Variants in EHBP1L1 observed in about 807,000 individuals in gnomAD.
EHBP1L1 encodes the protein EH domain binding protein 1 like 1.
Under a neutral mutation model 151.1 loss-of-function variants are expected in EHBP1L1, and 122 were observed. That is an observed-to-expected ratio of 0.81 (90% CI 0.70 to 0.94). EHBP1L1 has a LOEUF of 0.94. Among genes scored for constraint, EHBP1L1 ranks in the 40% least tolerant of loss-of-function variants. EHBP1L1 has a pLI of 0.00. For missense variants in EHBP1L1, 1,941 were observed against 1,959.8 expected, an observed-to-expected ratio of 0.99 and a Z score of 0.18; for synonymous variants, 878 against 810.1, an observed-to-expected ratio of 1.08 and a Z score of -1.42.
chr11:65,591,774 G>GC, intron 16 of EHBP1L1, 26 bp from the exon 17 acceptor site: 5 of 373,938 alleles, frequency 1.3e-5, no homozygotes, highest in Admixed American at 5.9e-5. Context: ...CCACCCCCCC[G>GC]CCACCCACCC....
chr11:65,590,318 T>C, intron 15 of EHBP1L1, 108 bp downstream of exon 15: 1 of 1,538,988 alleles, frequency 6.5e-7, no homozygotes, highest in Non-Finnish European at 8.8e-7. Context: ...ACGGCTGGCA[T>C]CAGCGTTCCC....
chr11:65,586,407 C>T (rs902778964), intron 12 of EHBP1L1, among the ~76,000 whole-genome samples: 1 of 152,238 alleles, frequency 6.6e-6, no homozygotes, highest in Non-Finnish European at 1.5e-5. Context: ...CTGCTGCAAA[C>T]CTTCAGCTGT....
rs1400299938 is a variant in EHBP1L1 at position 65,589,963 on chromosome 11, C to T, written c.4031C>T (p.Pro1344Leu). 6.3e-7 allele frequency: 1 copy of T among 1,583,728 alleles called. No homozygotes were observed. Among genetic ancestry groups the T allele is most frequent in the East Asian group, 2.3e-5 (1 of 44,294 alleles). Residue 1344 changes from proline (P) to leucine (L), a missense_variant, in exon 14 of 19, where the codon CCC becomes CTC. Pro to Leu is a moderately conservative substitution (Grantham distance 98). Coordinates refer to ENST00000309295, the MANE Select transcript of EHBP1L1 (RefSeq NM_001099409.3). ...PGGSSPSEEPPPSPGEEAGLQ... is the reference protein window; with the variant it reads ...PGGSSPSEEPLPSPGEEAGLQ... Reference sequence around the variant, plus strand: ...GGGAGTTCCCCCTCGGAGGAACCACCCCCAAGCCCAGGGGAGGAGGCTGGG... The same window carrying T: ...GGGAGTTCCCCCTCGGAGGAACCACTCCCAAGCCCAGGGGAGGAGGCTGGG...
At chr11:65,591,767 C>CT in intron 16 of EHBP1L1, 33 bp from the exon 17 acceptor site, 1 of 815,850 alleles carries the variant, frequency 1.2e-6, no homozygotes, top group South Asian at 1.4e-5. Flanking sequence ...TGAACTGCCA[C>CT]CCCCCCGCCA....
intron 2 of EHBP1L1, 27 bp from the exon 3 acceptor site, chr11:65,579,314 G>C (rs1167552241): frequency 6.6e-7 from 1 of 1,520,822 alleles, no homozygotes; most frequent in Non-Finnish European, 8.9e-7. Flanking sequence ...GTTAAGATGG[G>C]GGGAGGACTC....
In EHBP1L1 at chr11:65,592,002, C is replaced by T; in HGVS notation, c.4384C>T (p.His1462Tyr). The change falls in exon 18 of 19, where the codon CAC becomes TAC. Residue 1462 changes from histidine (H) to tyrosine (Y), a missense_variant. Coordinates refer to ENST00000309295, the MANE Select transcript of EHBP1L1 (RefSeq NM_001099409.3). Reference protein sequence around the residue: ...EDWQKTSAQQHREQLLLEELV... With the variant: ...EDWQKTSAQQYREQLLLEELV... Reference sequence around the variant, plus strand: ...CTGGCAGAAAACGTCCGCTCAGCAGCACCGAGAGCAGCTCCTACTGGAGGA... The same window carrying T: ...CTGGCAGAAAACGTCCGCTCAGCAGTACCGAGAGCAGCTCCTACTGGAGGA... The T allele has an allele frequency of 6.2e-7, 1 of 1,613,186 alleles. No individual in the cohort carries two copies. The highest frequency in any genetic ancestry group is 8.5e-7 in the Non-Finnish European group (1 of 1,179,536).
chr11:65,581,548 G>A lies in EHBP1L1; in HGVS notation c.876G>A (p.Arg292=). Residue 292 remains arginine (R), a synonymous_variant, in exon 9 of 19, where the codon AGG becomes AGA. Transcript: ENST00000309295. ...PETSPEMRSS[R]QPAQDTAPTP... Reference sequence around the variant, plus strand: ...CCTGCTCTCTTCTCAGGTCTTCAAGGCAGCCAGCCCAGGACACGGCCCCCA... The same window carrying A: ...CCTGCTCTCTTCTCAGGTCTTCAAGACAGCCAGCCCAGGACACGGCCCCCA... 6.7e-7 allele frequency: 1 copy of A among 1,495,506 alleles called. No individual in the cohort carries two copies. The highest frequency in any genetic ancestry group is 1.4e-5 in the African/African-American group (1 of 71,142). The allele number at this position is 1,495,506 out of a possible 1,614,324, so 92.6% of individuals were successfully genotyped here. A position where few individuals can be genotyped will look rare whatever the true frequency, so the allele number is the denominator to read the frequency against.
Position 65,581,591 on chromosome 11 carries a change from C to G in EHBP1L1, c.919C>G (p.Arg307Gly). 6.6e-7 allele frequency: 1 copy of G among 1,519,076 alleles called. No homozygotes were observed. The highest frequency in any genetic ancestry group is 8.8e-7 in the Non-Finnish European group (1 of 1,134,008). The allele number at this position is 1,519,076 out of a possible 1,614,324, so 94.1% of individuals were successfully genotyped here. A position where few individuals can be genotyped will look rare whatever the true frequency, so the allele number is the denominator to read the frequency against. ...DTAPTPAPRLRKGSDALRPPV... is the reference protein window; with the variant it reads ...DTAPTPAPRLGKGSDALRPPV... ...GGCCCCCACCCCAGCCCCTCGGCTCCGGAAAGGCTCTGATGCCCTCCGGCC... is the reference window on the plus strand; with the variant it reads ...GGCCCCCACCCCAGCCCCTCGGCTCGGGAAAGGCTCTGATGCCCTCCGGCC... Residue 307 changes from arginine (R) to glycine (G), a missense_variant, in exon 9 of 19, where the codon CGG becomes GGG. Physicochemically the swap from Arg to Gly is moderately radical, Grantham distance 125. Coordinates refer to ENST00000309295, the MANE Select transcript of EHBP1L1 (RefSeq NM_001099409.3).
chr11:65,582,829 A>C lies in EHBP1L1; in HGVS notation c.2157A>C (p.Thr719=). The change falls in exon 9 of 19, where the codon ACA becomes ACC. Residue 719 remains threonine (T), a synonymous_variant. Transcript: ENST00000309295. ...SRVPESEAEG[T]EAKILGTQEI... ...TACCAGAGTCAGAGGCTGAGGGGACAGAAGCTAAAATATTAGGGACCCAGG... is the reference window on the plus strand; with the variant it reads ...TACCAGAGTCAGAGGCTGAGGGGACCGAAGCTAAAATATTAGGGACCCAGG... The C allele has an allele frequency of 6.2e-7, 1 of 1,613,638 alleles. No individual in the cohort carries two copies.
chr11:65,590,436 G>T (rs1168196679), intron 15 of EHBP1L1, 57 bp from the exon 16 acceptor site: 11 of 1,585,738 alleles, frequency 6.9e-6, no homozygotes, highest in Non-Finnish European at 9.5e-6. Flanking sequence ...ACCCCCAGCT[G>T]CCCTACCCTG....
chr11:65,592,579 C>G lies in EHBP1L1; in HGVS notation c.*277C>G, dbSNP rs2135346738. 1 of 197,750 alleles carries G rather than the reference C, an allele frequency of 5.1e-6. No homozygotes were observed. The highest frequency in any genetic ancestry group is 1.2e-4 in the South Asian group (1 of 8,686). The allele number at this position is 197,750 out of a possible 1,614,324, so 12.2% of individuals were successfully genotyped here. A position where few individuals can be genotyped will look rare whatever the true frequency, so the allele number is the denominator to read the frequency against. On this transcript the variant is annotated 3_prime_UTR_variant, in exon 19 of 19. Coordinates refer to ENST00000309295, the MANE Select transcript of EHBP1L1 (RefSeq NM_001099409.3). ...CCGGCGGCCTCGGGGAGAGGGATGCCTGGGCACTACCGCCCCGCGCTGGCT... is the reference window on the plus strand; with the variant it reads ...CCGGCGGCCTCGGGGAGAGGGATGCGTGGGCACTACCGCCCCGCGCTGGCT...
Position 65,583,656 on chromosome 11 carries a change from C to A in EHBP1L1, c.2984C>A (p.Thr995Lys), listed in dbSNP as rs1386560622. 1 of 1,593,968 alleles carries A rather than the reference C, an allele frequency of 6.3e-7. No homozygotes were observed. Among genetic ancestry groups the A allele is most frequent in the South Asian group, 1.1e-5 (1 of 88,400 alleles). Residue 995 changes from threonine to lysine, a missense_variant, in exon 9 of 19, where the codon ACA becomes AAA. Thr to Lys is a moderately conservative substitution (Grantham distance 78). Transcript: ENST00000309295. ...EKGKEAEGSL[T>K]EASLPEAQVA... ...GGGAAAGAAGCTGAGGGAAGCCTCA[C>A]AGAGGCCAGCCTGCCTGAAGCACAG...
At chr11:65,579,033 C>T (rs757410835) in intron 1 of EHBP1L1, 45 bp from the exon 2 acceptor site, 4 of 1,542,320 alleles carry the variant, frequency 2.6e-6, no homozygotes, top group South Asian at 2.4e-5. Flanking sequence ...GTGAGCCTGA[C>T]CAAGCAGCCT....
Position 65,590,190 on chromosome 11 carries a change from T to C in EHBP1L1, c.4163T>C (p.Leu1388Pro), listed in dbSNP as rs1236512701. Residue 1388 changes from leucine (L) to proline (P), a missense_variant, in exon 15 of 19, where the codon CTG becomes CCG. Leu to Pro is a moderately conservative substitution (Grantham distance 98). Transcript: ENST00000309295. ...DGRAAEVEMQLRSLMESGANK... is the reference protein window; with the variant it reads ...DGRAAEVEMQPRSLMESGANK... The stretch of plus-strand genomic sequence containing the variant: ...CGGGCGGCTGAGGTGGAGATGCAGC[T>C]GAGGAGCCTCATGGAGTCAGGTGGG... The C allele has an allele frequency of 1.2e-6, 2 of 1,613,566 alleles. No homozygotes were observed. Among genetic ancestry groups the C allele is most frequent in the Non-Finnish European group, 1.7e-6 (2 of 1,179,760 alleles).
chr11:65,580,976 C>T, intron 6 of EHBP1L1, 82 bp from the exon 7 acceptor site: 9 of 1,520,278 alleles, frequency 5.9e-6, no homozygotes, highest in Non-Finnish European at 7.9e-6. Flanking sequence ...AGGACCTGCA[C>T]TGTAGTTGGG....
At position 65,591,963 on chromosome 11, in the gene EHBP1L1, C is replaced by T. The variant is rs1209960857; in HGVS notation, c.4358-13C>T. ...GCCCGCGCCTCCTGACGCTTAGCCGCTTCGACCCTCAGACTGGCAGAAAAC... is the reference window on the plus strand; with the variant it reads ...GCCCGCGCCTCCTGACGCTTAGCCGTTTCGACCCTCAGACTGGCAGAAAAC... On this transcript the variant is annotated splice_polypyrimidine_tract_variant and intron_variant, in intron 17 of 18. Transcript: ENST00000309295. 5.6e-6 allele frequency: 9 copies of T among 1,609,944 alleles called. No homozygotes were observed. The Admixed American group carries it at 1.2e-4, about 21-fold the overall frequency.
chr11:65,585,168 C>T lies in EHBP1L1; in HGVS notation c.3510C>T (p.Pro1170=). 2 of 1,343,440 alleles carry T rather than the reference C, an allele frequency of 1.5e-6. No individual in the cohort carries two copies. Among genetic ancestry groups the T allele is most frequent in the Non-Finnish European group, 1.9e-6 (2 of 1,052,658 alleles). The allele number at this position is 1,343,440 out of a possible 1,614,324, so 83.2% of individuals were successfully genotyped here. A position where few individuals can be genotyped will look rare whatever the true frequency, so the allele number is the denominator to read the frequency against. ...YRVGSAQPSP[P]DDLDAGGLAQ... ...TGGGCAGCGCCCAGCCCAGCCCGCC[C>T]GACGACCTGGACGCCGGAGGCCTGG... The change falls in exon 12 of 19, where the codon CCC becomes CCT. Residue 1170 remains proline, a synonymous_variant. Coordinates refer to ENST00000309295, the MANE Select transcript of EHBP1L1 (RefSeq NM_001099409.3). This position sits in a 1 kb window ranked among gnomAD's most constrained non-coding sequence, Gnocchi z 4.0.
At chr11:65,578,899 T>A (rs1189569030) in intron 1 of EHBP1L1, among the ~76,000 whole-genome samples, 179 bp from the exon 2 acceptor site, 1 of 152,178 alleles carries the variant, frequency 6.6e-6, no homozygotes, top group African/African-American at 2.4e-5. Flanking sequence ...CCTTAGCAGC[T>A]CCACCCTGCA....
At chr11:65,579,562 TAG>T in intron 3 of EHBP1L1, 126 bp downstream of exon 3, 1 of 453,000 alleles carries the variant, frequency 2.2e-6, no homozygotes, top group South Asian at 2.7e-5. Context: ...GGCCAAGAAT[TAG>T]GGGGGCCTGC....
Sources: gnomAD v4.1 joint callset for allele counts (sites outside exome capture counted in the v4.1 genomes callset) on GRCh38, gnomAD v4.1.1 for gene constraint, Gnocchi (gnomAD v3.1) non-coding constraint, MANE v1.5 for transcripts, NCBI Gene and HGNC (gene_info 2026-07-23, HGNC 2026-07-21) for gene names.